The following RNF213 variants were observed in gnomAD, a reference collection of about 807,000 sequenced individuals.
The protein encoded by RNF213 is E3 ubiquitin-protein ligase RNF213.
In RNF213, 341 loss-of-function variants were observed where a neutral mutation model predicts 514.4. That is an observed-to-expected ratio of 0.66 (90% CI 0.61 to 0.73). RNF213 has a LOEUF of 0.73. Ranked by LOEUF, RNF213 falls within the 30% of genes least tolerant of loss-of-function variation. The pLI is 0.00. For synonymous variants in RNF213, 2,655 were observed against 2,658.2 expected (o/e 1.00, Z 0.04); for missense variants, 5,767 against 6,615.6 (o/e 0.87, Z 4.45).
chr17:80,273,518 C>A (rs1356745939), intron 3 of RNF213, 114 bp downstream of exon 3: 2 of 1,363,938 alleles, frequency 1.5e-6, no homozygotes, highest in Non-Finnish European at 2.0e-6. Context: ...GCCCATTGAA[C>A]CTGCCCACAG....
intron 1 of RNF213, among the ~76,000 whole-genome samples, chr17:80,262,017 A>G (rs2043440795): frequency 6.6e-6 from 1 of 152,154 alleles, no homozygotes; most frequent in Non-Finnish European, 1.5e-5. Flanking sequence ...CAAACAAAAA[A>G]TGCTTTTTGG....
intron 42 of RNF213, among the ~76,000 whole-genome samples, chr17:80,366,255 T>C (rs553697342): frequency 1.3e-5 from 2 of 152,346 alleles, no homozygotes; most frequent in South Asian, 2.1e-4. Context: ...GTTTTGGATA[T>C]GTACCTTGAA....
At chr17:80,319,029 G>A (rs775981523) in intron 16 of RNF213, among the ~76,000 whole-genome samples, 161 bp from the exon 17 acceptor site, 2 of 152,184 alleles carry the variant, frequency 1.3e-5, no homozygotes, top group Non-Finnish European at 2.9e-5. Flanking sequence ...CTACTGGTGG[G>A]GGGCAGGGAG....
chr17:80,384,746 A>G (rs1464133641), intron 59 of RNF213: 2 of 438,490 alleles, frequency 4.6e-6, no homozygotes, highest in Non-Finnish European at 8.5e-6. Flanking sequence ...AGCCAGTTAC[A>G]TGGGCCCAAG....
chr17:80,295,669 G>T lies in RNF213; in HGVS notation c.1868G>T (p.Gly623Val). ...CCAGTGAGGAGTAAACTGAAAACAGGCCTGATTGTCCTTTTTGTAGTGGAA... is the reference window on the plus strand; with the variant it reads ...CCAGTGAGGAGTAAACTGAAAACAGTCCTGATTGTCCTTTTTGTAGTGGAA... ...DCPVRSKLKT[G>V]LIVLFVVEKI... The change falls in exon 10 of 68, where the codon GGC becomes GTC. Residue 623 changes from glycine (G) to valine (V), a missense_variant. Physicochemically the swap from Gly to Val is moderately radical, Grantham distance 109 (BLOSUM62 -3). Coordinates refer to ENST00000582970, the MANE Select transcript of RNF213 (RefSeq NM_001256071.3). The T allele has an allele frequency of 2.5e-6, 4 of 1,614,118 alleles. No individual in the cohort carries two copies. Among genetic ancestry groups the T allele is most frequent in the Non-Finnish European group, 3.4e-6 (4 of 1,179,996 alleles).
rs778389689 is a variant in RNF213 at position 80,381,720 on chromosome 17, T to C, written c.13971T>C (p.Ser4657=). Residue 4657 remains serine, a synonymous_variant, in exon 57 of 68, where the codon TCT becomes TCC. Coordinates refer to ENST00000582970, the MANE Select transcript of RNF213 (RefSeq NM_001256071.3). ...RRLLQEQHQL[S]SRRLLNFDTE... Reference sequence around the variant, plus strand: ...TTCTCCAAGAGCAGCACCAGCTCTCTAGCAGAAGTGAGGAAAGGGGCAAGG... The same window carrying C: ...TTCTCCAAGAGCAGCACCAGCTCTCCAGCAGAAGTGAGGAAAGGGGCAAGG... 6 of 1,613,346 alleles carry C rather than the reference T, an allele frequency of 3.7e-6. No homozygotes were observed. Among genetic ancestry groups the C allele is most frequent in the South Asian group, 3.3e-5 (3 of 91,036 alleles).
intron 1 of RNF213, among the ~76,000 whole-genome samples, chr17:80,261,733 A>T (rs73440489): frequency 0.015 from 2,223 of 152,298 alleles, 52 homozygotes; most frequent in African/African-American, 0.051. Flanking sequence ...AAGATGCTTT[A>T]GGGGGCCGGG....
intron 28 of RNF213, 32 bp downstream of exon 28, chr17:80,344,047 G>A (rs759887716): frequency 2.5e-6 from 4 of 1,604,968 alleles, no homozygotes; most frequent in African/African-American, 1.3e-5. Context: ...CGCCTGGCGT[G>A]GGGGGCTCTT....
rs982229865 is a variant in RNF213, at chr17:80,361,809, C to G, written c.11276C>G (p.Pro3759Arg). The change falls in exon 39 of 68, where the codon CCG becomes CGG. Residue 3759 changes from proline (P) to arginine (R), a missense_variant. Coordinates refer to ENST00000582970, the MANE Select transcript of RNF213 (RefSeq NM_001256071.3). Reference protein sequence around the residue: ...GRFLAQLHGEPQQELLQCYLK... With the variant: ...GRFLAQLHGERQQELLQCYLK... ...TTTCTTGCCCAGCTCCATGGAGAGC[C>G]GCAGCAGGAACTTCTTCAGTGTTAC... The G allele has an allele frequency of 6.2e-7, 1 of 1,614,084 alleles. No homozygotes were observed. Among genetic ancestry groups the G allele is most frequent in the Admixed American group, 1.7e-5 (1 of 60,014 alleles).
At chr17:80,312,091 G>C (rs1304388823) in intron 14 of RNF213, among the ~76,000 whole-genome samples, 1 of 151,932 alleles carries the variant, frequency 6.6e-6, no homozygotes, top group Admixed American at 6.6e-5. Context: ...TCGCGCCACT[G>C]TACTCCAGCC....
intron 11 of RNF213, among the ~76,000 whole-genome samples, chr17:80,302,498 T>C (rs2045216229): frequency 6.6e-6 from 1 of 152,190 alleles, no homozygotes; most frequent in African/African-American, 2.4e-5. Flanking sequence ...ATGTATTGTA[T>C]ACATATATAG....
At position 80,298,324 on chromosome 17, in the gene RNF213, G is replaced by A; in HGVS notation, c.2016G>A (p.Trp672Ter). The change falls in exon 11 of 68, where the codon TGG becomes TGA. Residue 672 changes from tryptophan (W) to a stop codon, truncating the protein, a stop_gained. Coordinates refer to ENST00000582970, the MANE Select transcript of RNF213 (RefSeq NM_001256071.3). LOFTEE classifies it high-confidence loss of function. Reference protein sequence around the residue: ...LSHILGIPQSWRLYLVNLCQR... With the variant: ...LSHILGIPQS ...CGGGATCTTTATTCCCTTCCAGCTG[G>A]CGGCTGTACCTGGTGAACCTGTGCC... 6.2e-7 allele frequency: 1 copy of A among 1,614,102 alleles called. No individual in the cohort carries two copies. Among genetic ancestry groups the A allele is most frequent in the Non-Finnish European group, 8.5e-7 (1 of 1,180,018 alleles).
At chr17:80,379,569 A>G in intron 54 of RNF213, 51 bp from the exon 55 acceptor site, 2 of 1,520,278 alleles carry the variant, frequency 1.3e-6, no homozygotes, top group South Asian at 1.1e-5. Flanking sequence ...GCATTTGTGC[A>G]TAAAATGGTA....
Position 80,385,569 on chromosome 17 carries a change from C to T in RNF213, c.14487C>T (p.Ile4829=). Residue 4829 remains isoleucine, a synonymous_variant, in exon 61 of 68, where the codon ATC becomes ATT. Coordinates refer to ENST00000582970, the MANE Select transcript of RNF213 (RefSeq NM_001256071.3). ...TGAGGCAGCTGCTTCACAACAGGAT[C>T]ACAGTCTTTCTGTCCACATGGAACA... ...DGLRQLLHNR[I]TVFLSTWNKL... 6.2e-7 allele frequency: 1 copy of T among 1,614,164 alleles called. No homozygotes were observed.
At chr17:80,278,986 G>A (rs1270379574) in intron 3 of RNF213, 18 of 1,514,924 alleles carry the variant, frequency 1.2e-5, no homozygotes, top group Admixed American at 2.0e-5. Context: ...CGGCCACCTC[G>A]CACTTCCGGC....
intron 58 of RNF213, 53 bp downstream of exon 58, chr17:80,383,123 TC>T: frequency 3.9e-6 from 5 of 1,287,074 alleles, no homozygotes; most frequent in Non-Finnish European, 5.6e-6. Context: ...AAAGGAAGGG[TC>T]CCGGCGTCTG....
At chr17:80,304,137 C>T (rs374982691) in intron 11 of RNF213, among the ~76,000 whole-genome samples, 1 of 151,788 alleles carries the variant, frequency 6.6e-6, no homozygotes, top group African/African-American at 2.4e-5. Context: ...CCTAAAGATC[C>T]AATCGTTCAG....
intron 36 of RNF213, 37 bp downstream of exon 36, chr17:80,354,613 C>A: frequency 1.2e-6 from 2 of 1,613,212 alleles, no homozygotes; most frequent in Non-Finnish European, 1.7e-6. Flanking sequence ...TGGCTCCAAT[C>A]TGGTGGCAGC....
chr17:80,339,096 G>GT (rs1319684651), intron 25 of RNF213, 105 bp from the exon 26 acceptor site: 1 of 943,412 alleles, frequency 1.1e-6, no homozygotes, highest in Non-Finnish European at 1.5e-6. Context: ...CAGTGGGCCT[G>GT]TGGACAGGGC....
Sources: gnomAD v4.1 joint callset for allele counts (sites outside exome capture counted in the v4.1 genomes callset) on GRCh38, gnomAD v4.1.1 for gene constraint, MANE v1.5 for transcripts, NCBI Gene and HGNC (gene_info 2026-07-23, HGNC 2026-07-21) for gene names.